The following CA10 variants were observed in gnomAD, a reference collection of about 807,000 sequenced individuals.
The protein encoded by CA10 is carbonic anhydrase-related protein 10.
CA10 carries 14 observed loss-of-function variants against 44.2 expected under a neutral mutation model. The observed-to-expected ratio is 0.32, with a 90% CI of 0.21 to 0.50. The LOEUF is 0.50. Ranked by LOEUF, CA10 falls within the 20% of genes least tolerant of loss-of-function variation. The probability of loss-of-function intolerance (pLI) is 0.99; values close to 1 mark genes in which losing one functional copy is unlikely to be tolerated. For missense variants in CA10, 350 were observed against 409.7 expected (o/e 0.85, Z 1.26); for synonymous variants, 159 against 141.6 (o/e 1.12, Z -0.87).
intron 2 of CA10, among the ~76,000 whole-genome samples, chr17:51,974,602 TAGAAGG>T (rs1433796479): frequency 1.3e-5 from 2 of 152,018 alleles, no homozygotes; most frequent in Non-Finnish European, 2.9e-5. Flanking sequence ...ATTGAAATGC[TAGAAGG>T]AGAAGAGAGA....
chr17:51,921,813 T>C (rs1982245049), intron 3 of CA10, among the ~76,000 whole-genome samples: 1 of 152,206 alleles, frequency 6.6e-6, no homozygotes, highest in Non-Finnish European at 1.5e-5. Flanking sequence ...TTACAGAATA[T>C]GTTGCTCGGC....
intron 3 of CA10, among the ~76,000 whole-genome samples, chr17:51,833,490 C>T (rs1908359604): frequency 6.6e-6 from 1 of 152,136 alleles, no homozygotes; most frequent in Admixed American, 6.5e-5. Flanking sequence ...CAGAATTAAG[C>T]AAAAAGCACT....
intron 3 of CA10, among the ~76,000 whole-genome samples, chr17:51,926,623 C>A (rs2143984242): frequency 6.6e-6 from 1 of 152,292 alleles, no homozygotes; most frequent in South Asian, 2.1e-4. Flanking sequence ...TTTGCAGCTT[C>A]CAGAGGCCTC....
At chr17:52,023,042 T>G (rs1440919640) in intron 2 of CA10, among the ~76,000 whole-genome samples, 3 of 152,144 alleles carry the variant, frequency 2.0e-5, no homozygotes, top group African/African-American at 4.8e-5. Context: ...CCCAAAGCAA[T>G]CTACAGATTT....
At chr17:51,670,284 C>T (rs540793580) in intron 4 of CA10, among the ~76,000 whole-genome samples, 1 of 152,286 alleles carries the variant, frequency 6.6e-6, no homozygotes, top group South Asian at 2.1e-4. Flanking sequence ...CTACAGAGGT[C>T]ATCTCATTCA....
chr17:51,959,987 T>C (rs1296937123), intron 2 of CA10, among the ~76,000 whole-genome samples: 2 of 151,890 alleles, frequency 1.3e-5, no homozygotes, highest in Admixed American at 1.3e-4. Flanking sequence ...TTGAAATTAT[T>C]GGACAAAGAT....
At chr17:51,892,036 G>A (rs1980880491) in intron 3 of CA10, among the ~76,000 whole-genome samples, 1 of 152,244 alleles carries the variant, frequency 6.6e-6, no homozygotes, top group Non-Finnish European at 1.5e-5. Flanking sequence ...GCTAGTTCAT[G>A]GCATTCGCCA....
At chr17:52,153,824 CTG>C (rs1168484733) in intron 1 of CA10, among the ~76,000 whole-genome samples, 1 of 152,182 alleles carries the variant, frequency 6.6e-6, no homozygotes, top group African/African-American at 2.4e-5. Flanking sequence ...GTGGTAGAAA[CTG>C]TGCTGTGTGA....
At chr17:51,883,672 T>C (rs1201149949) in intron 3 of CA10, among the ~76,000 whole-genome samples, 1 of 152,172 alleles carries the variant, frequency 6.6e-6, no homozygotes, top group East Asian at 1.9e-4. Flanking sequence ...AGCTCCATCT[T>C]AAGTTCCCTT....
chr17:52,097,771 A>G (rs1254936487), intron 1 of CA10, among the ~76,000 whole-genome samples: 1 of 152,214 alleles, frequency 6.6e-6, no homozygotes, highest in Admixed American at 6.5e-5. Context: ...ACAGACATCA[A>G]ATTAACTAAT....
In CA10 at chr17:51,631,602, A is replaced by G; in HGVS notation, c.969T>C (p.Asn323=). Residue 323 remains asparagine (N), a synonymous_variant, in exon 9 of 9, where the codon AAT becomes AAC. Transcript: ENST00000451037. Reference sequence around the variant, plus strand: ...TTGTTCCCTACTTGAGGAGCCATTCATTTACTGCAAAGAGAGAGAAAGAAA... The same window carrying G: ...TTGTTCCCTACTTGAGGAGCCATTCGTTTACTGCAAAGAGAGAGAAAGAAA... ...NRAQKLQYRV[N]EWLLK The G allele has an allele frequency of 1.2e-6, 2 of 1,612,428 alleles. No individual in the cohort carries two copies. The highest frequency in any genetic ancestry group is 1.7e-5 in the Admixed American group (1 of 59,982).
At chr17:51,935,054 C>A (rs1456269875) in intron 2 of CA10, among the ~76,000 whole-genome samples, 2 of 152,108 alleles carry the variant, frequency 1.3e-5, no homozygotes, top group African/African-American at 2.4e-5. Flanking sequence ...GAGTGAGAAA[C>A]TTGCCCTGTG....
chr17:51,720,261 T>C (rs962922360), intron 4 of CA10, among the ~76,000 whole-genome samples: 1 of 152,170 alleles, frequency 6.6e-6, no homozygotes, highest in Non-Finnish European at 1.5e-5. Flanking sequence ...AGTGAGGAAG[T>C]CTTCTGCACT....
At chr17:52,105,172 A>G (rs1240351213) in intron 1 of CA10, among the ~76,000 whole-genome samples, 1 of 113,690 alleles carries the variant, frequency 8.8e-6, no homozygotes, top group South Asian at 2.8e-4. Flanking sequence ...TGATTCCTAC[A>G]TGCATTAAAG....
At chr17:51,767,861 T>C (rs1027020952) in intron 3 of CA10, among the ~76,000 whole-genome samples, 16 of 152,188 alleles carry the variant, frequency 1.1e-4, no homozygotes, top group East Asian at 5.8e-4. Flanking sequence ...GTTCATGCTC[T>C]TAAGAGAATC....
chr17:51,888,059 A>C (rs1980692804), intron 3 of CA10, among the ~76,000 whole-genome samples: 1 of 151,598 alleles, frequency 6.6e-6, no homozygotes, highest in South Asian at 2.1e-4. Flanking sequence ...CAAAACAAAA[A>C]AAACTGTGTG....
intron 1 of CA10, among the ~76,000 whole-genome samples, chr17:52,080,726 TC>T (rs1431406159): frequency 6.6e-6 from 1 of 151,926 alleles, no homozygotes; most frequent in Non-Finnish European, 1.5e-5. Context: ...CTGCCCTTTT[TC>T]CCCCCGAAAT....
At chr17:51,831,224 GTC>G (rs1291789775) in intron 3 of CA10, among the ~76,000 whole-genome samples, 9 of 152,214 alleles carry the variant, frequency 5.9e-5, no homozygotes, top group African/African-American at 2.2e-4. Context: ...CATTGTTCTT[GTC>G]TCTGTAGTTT....
chr17:51,939,836 T>C (rs1443253232), intron 2 of CA10, among the ~76,000 whole-genome samples: 1 of 152,100 alleles, frequency 6.6e-6, no homozygotes, highest in African/African-American at 2.4e-5. Context: ...TCTTATAGCC[T>C]CTTATCTAGC....
Sources: gnomAD v4.1 joint callset for allele counts (sites outside exome capture counted in the v4.1 genomes callset) on GRCh38, gnomAD v4.1.1 for gene constraint, MANE v1.5 for transcripts, NCBI Gene and HGNC (gene_info 2026-07-23, HGNC 2026-07-21) for gene names.